CYYR1: variants seen among roughly 807,000 people sequenced by gnomAD.
CYYR1 encodes cysteine and tyrosine rich 1.
A neutral mutation model predicts 15.2 loss-of-function variants in CYYR1; 14 were observed. The ratio of observed to expected loss-of-function variants is 0.92; its 90% confidence interval spans 0.61 to 1.44. CYYR1 has a LOEUF of 1.44. Ranked by LOEUF, CYYR1 falls within the 40% of genes most tolerant of loss-of-function variation. The pLI is 0.00. For synonymous variants in CYYR1, 80 were observed against 77.4 expected (o/e 1.03, Z -0.18); for missense variants, 228 against 209.5 (o/e 1.09, Z -0.54).
At chr21:26,522,331 T>C (rs2065813424) in intron 2 of CYYR1, among the ~76,000 whole-genome samples, 1 of 152,268 alleles carries the variant, frequency 6.6e-6, no homozygotes, top group South Asian at 2.1e-4. Context: ...TATGATCCAG[T>C]AGCTTTTATC....
At chr21:26,494,587 A>C (rs1376929108) in intron 2 of CYYR1, among the ~76,000 whole-genome samples, 1 of 152,054 alleles carries the variant, frequency 6.6e-6, no homozygotes, top group Non-Finnish European at 1.5e-5. Flanking sequence ...TTGGCAAAAG[A>C]TGGCTACACC....
At chr21:26,509,163 C>A (rs573569890) in intron 2 of CYYR1, among the ~76,000 whole-genome samples, 6 of 152,154 alleles carry the variant, frequency 3.9e-5, no homozygotes, top group Non-Finnish European at 8.8e-5. Flanking sequence ...CTCCTTGTCT[C>A]TCTAACCTCA....
At position 26,573,268 on chromosome 21, in the gene CYYR1, C is replaced by T; in HGVS notation, c.-328G>A. The T allele has an allele frequency of 7.6e-7, 1 of 1,322,690 alleles. No homozygotes were observed. The highest frequency in any genetic ancestry group is 9.8e-7 in the Non-Finnish European group (1 of 1,019,976). 81.9% of individuals were successfully genotyped at this position (1,322,690 alleles called of 1,614,324 possible). On this transcript the variant is annotated 5_prime_UTR_variant, in exon 1 of 4. Transcript: ENST00000652641. The stretch of plus-strand genomic sequence containing the variant: ...GCCACCCAGGCTCACATTTCATCTC[C>T]GCGGGTGGCAACGACTGCGGGCAGG...
chr21:26,480,142 A>G, intron 3 of CYYR1, 130 bp downstream of exon 3: 7 of 914,752 alleles, frequency 7.7e-6, no homozygotes, highest in Non-Finnish European at 9.6e-6. Context: ...ACTTCAATCT[A>G]CATGTACCTA....
chr21:26,502,133 T>C (rs2065489543), intron 2 of CYYR1, among the ~76,000 whole-genome samples: 1 of 152,080 alleles, frequency 6.6e-6, no homozygotes, highest in Non-Finnish European at 1.5e-5. Flanking sequence ...TCTAATGAAA[T>C]CAAGCAGTAT....
At chr21:26,561,688 G>A (rs1980213993) in intron 2 of CYYR1, among the ~76,000 whole-genome samples, 1 of 152,114 alleles carries the variant, frequency 6.6e-6, no homozygotes, top group Admixed American at 6.6e-5. Flanking sequence ...ACAGACCGAT[G>A]AGTGCTTTAC....
intron 2 of CYYR1, chr21:26,506,566 G>C (rs2065567597): frequency 6.6e-6 from 1 of 152,210 alleles, no homozygotes; most frequent in Non-Finnish European, 1.5e-5. Flanking sequence ...TCTGGTTCTA[G>C]TTTCAGTGTC....
intron 3 of CYYR1, among the ~76,000 whole-genome samples, chr21:26,476,604 C>T (rs1241560233): frequency 6.6e-6 from 1 of 151,712 alleles, no homozygotes; most frequent in African/African-American, 2.4e-5. Context: ...ATCTATCTAT[C>T]TATCTATCTA....
intron 2 of CYYR1, among the ~76,000 whole-genome samples, chr21:26,513,151 T>TTCAACAA (rs1370248170): frequency 2.6e-5 from 4 of 152,222 alleles, no homozygotes; most frequent in Admixed American, 2.6e-4. Flanking sequence ...ACCATGGCAG[T>TTCAACAA]TCAACAATGT....
At chr21:26,572,778 G>C in intron 1 of CYYR1, 90 bp downstream of exon 1, 1 of 1,496,520 alleles carries the variant, frequency 6.7e-7, no homozygotes, top group South Asian at 1.2e-5. Flanking sequence ...CAAAGGTCCC[G>C]GTCCGTCCAG....
At chr21:26,527,382 T>G (rs2065880718) in intron 2 of CYYR1, among the ~76,000 whole-genome samples, 1 of 152,198 alleles carries the variant, frequency 6.6e-6, no homozygotes, top group African/African-American at 2.4e-5. Context: ...CTGTAAAATA[T>G]AACCCAATTT....
rs1405276740 is a variant in CYYR1, at chr21:26,573,026, A to G, written c.-86T>C. The G allele has an allele frequency of 3.7e-6, 6 of 1,607,462 alleles. No individual in the cohort carries two copies. The highest frequency in any genetic ancestry group is 5.1e-6 in the Non-Finnish European group (6 of 1,177,162). On this transcript the variant is annotated 5_prime_UTR_variant, in exon 1 of 4. Transcript: ENST00000652641. ...GGATGGAGGGCGATCAGATGGAGAG[A>G]GCAGCGCTCCTGAGAGCCGGGTGGA...
intron 2 of CYYR1, among the ~76,000 whole-genome samples, chr21:26,508,384 A>C (rs1483740284): frequency 2.6e-5 from 4 of 152,158 alleles, no homozygotes; most frequent in Non-Finnish European, 5.9e-5. Flanking sequence ...ATTCACATGA[A>C]AGGGAATAAG....
At chr21:26,533,228 T>G (rs222943) in intron 2 of CYYR1, among the ~76,000 whole-genome samples, 91,285 of 148,086 alleles carry the variant, frequency 0.62, 28,363 homozygotes, top group East Asian at 0.86. Flanking sequence ...TATATTATAT[T>G]CATAGTATAT....
At position 26,545,567 on chromosome 21, in the gene CYYR1, C is replaced by CTTTTTT. The variant is rs770885517; in HGVS notation, c.176+20693_176+20698dup. On this transcript the variant is annotated intron_variant, in intron 2 of 3. Coordinates refer to ENST00000652641, the MANE Select transcript of CYYR1 (RefSeq NM_001320768.2). ...CCTTCTGGTTAATAAGATGCTTATT[C>CTTTTTT]TTTTTTTTTTTTTTTTTTTTTTTTT... Among the ~76,000 whole-genome samples, 350 of 73,746 alleles carry CTTTTTT rather than the reference C, an allele frequency of 4.7e-3. 55 individuals are homozygous for CTTTTTT. The highest frequency in any genetic ancestry group is 0.012 in the East Asian group (25 of 2,062). 48.4% of individuals were successfully genotyped at this position (73,746 alleles called of 152,430 possible).
chr21:26,493,668 C>T (rs1274689928), intron 2 of CYYR1, among the ~76,000 whole-genome samples: 1 of 152,244 alleles, frequency 6.6e-6, no homozygotes. Context: ...TCTACTAGAT[C>T]TCTTACTGTT....
intron 2 of CYYR1, among the ~76,000 whole-genome samples, chr21:26,532,128 C>G (rs17536734): frequency 0.014 from 2,103 of 151,944 alleles, 30 homozygotes; most frequent in Middle Eastern, 0.024. Context: ...CATTAGTAAG[C>G]TGGAAGAGGT....
intron 2 of CYYR1, among the ~76,000 whole-genome samples, chr21:26,565,957 T>C (rs892026217): frequency 2.6e-5 from 4 of 152,226 alleles, no homozygotes; most frequent in African/African-American, 7.2e-5. Context: ...GATGATGTTA[T>C]AAAATTATCA....
intron 2 of CYYR1, among the ~76,000 whole-genome samples, chr21:26,531,982 G>T (rs1050549680): frequency 6.6e-6 from 1 of 151,986 alleles, no homozygotes; most frequent in Non-Finnish European, 1.5e-5. Flanking sequence ...ACAACCTCTG[G>T]CCTGCAACTA....
Sources: allele counts gnomAD v4.1 joint callset (sites outside exome capture counted in the v4.1 genomes callset), GRCh38; gene constraint gnomAD v4.1.1; transcripts MANE v1.5; gene names NCBI Gene and HGNC (gene_info 2026-07-23, HGNC 2026-07-21).